Variants in DSE observed in about 807,000 individuals in gnomAD.
DSE encodes dermatan sulfate epimerase.
A neutral mutation model predicts 84.4 loss-of-function variants in DSE; 36 were observed. The ratio of observed to expected loss-of-function variants is 0.43; its 90% CI spans 0.33 to 0.56. The LOEUF (loss-of-function observed/expected upper bound fraction) is 0.56. DSE is among the 20% of genes least tolerant of loss of function. The pLI, the probability that DSE is intolerant of heterozygous loss-of-function variation, is 0.06. For synonymous variants in DSE, 410 were observed against 430.1 expected, an observed-to-expected ratio of 0.95 and a Z score of 0.58; for missense variants, 862 against 1,169.6, an observed-to-expected ratio of 0.74 and a Z score of 3.84.
intron 2 of DSE, among the ~76,000 whole-genome samples, chr6:116,346,249 G>A (rs1486310458): frequency 6.6e-6 from 1 of 152,096 alleles, no homozygotes; most frequent in Non-Finnish European, 1.5e-5. Flanking sequence ...AAAAGTGGGA[G>A]TCCTCCCTAA....
intron 2 of DSE, among the ~76,000 whole-genome samples, chr6:116,409,610 T>C (rs1782182947): frequency 6.6e-6 from 1 of 152,196 alleles, no homozygotes; most frequent in South Asian, 2.1e-4. Flanking sequence ...TGCTCTGTTC[T>C]GGGTATTTTA....
intron 2 of DSE, among the ~76,000 whole-genome samples, chr6:116,291,366 C>G (rs117619620): frequency 0.017 from 2,596 of 151,498 alleles, 36 homozygotes; most frequent in South Asian, 0.024. Context: ...GAGATGAGTC[C>G]TAATAAGAAA....
chr6:116,346,274 C>T (rs2114836349), intron 2 of DSE, among the ~76,000 whole-genome samples: 1 of 152,268 alleles, frequency 6.6e-6, no homozygotes, highest in South Asian at 2.1e-4. Context: ...TTTTATGAGG[C>T]CAGCATCATC....
At chr6:116,389,586 A>C (rs1780767310) in intron 1 of DSE, among the ~76,000 whole-genome samples, 1 of 152,200 alleles carries the variant, frequency 6.6e-6, no homozygotes, top group Non-Finnish European at 1.5e-5. Context: ...AATGTATTGC[A>C]GGAAGAAAAA....
intron 2 of DSE, among the ~76,000 whole-genome samples, chr6:116,322,425 A>T (rs1776382749): frequency 6.6e-6 from 1 of 152,060 alleles, no homozygotes; most frequent in Admixed American, 6.6e-5. Flanking sequence ...AATAAAAGAG[A>T]TGAAGACCTG....
intron 2 of DSE, among the ~76,000 whole-genome samples, chr6:116,276,404 A>G (rs1773143733): frequency 6.6e-6 from 1 of 152,188 alleles, no homozygotes; most frequent in Admixed American, 6.5e-5. Context: ...AACTACATGG[A>G]AAAAAGTGAT....
intron 2 of DSE, among the ~76,000 whole-genome samples, chr6:116,298,820 T>C (rs181720235): frequency 6.6e-6 from 1 of 152,326 alleles, no homozygotes; most frequent in African/African-American, 2.4e-5. Flanking sequence ...TGCATTCTGA[T>C]AGGTGGGACA....
At chr6:116,274,662 CTG>C (rs1465073578) in intron 2 of DSE, among the ~76,000 whole-genome samples, 3 of 151,948 alleles carry the variant, frequency 2.0e-5, no homozygotes, top group African/African-American at 7.3e-5. Flanking sequence ...ACCAATATAA[CTG>C]TGTCAATTTG....
intron 2 of DSE, chr6:116,280,169 G>A (rs1258780487): frequency 1.7e-5 from 7 of 406,532 alleles, no homozygotes; most frequent in Non-Finnish European, 2.9e-5. Flanking sequence ...CAGCATGTAG[G>A]AGCAGTTGTA....
At chr6:116,406,003 T>G (rs1781899517) in intron 2 of DSE, among the ~76,000 whole-genome samples, 2 of 152,260 alleles carry the variant, frequency 1.3e-5, no homozygotes, top group African/African-American at 4.8e-5. Context: ...TAATAATGCT[T>G]CTTTCTAACA....
chr6:116,368,404 A>T (rs1452106947), upstream of DSE, among the ~76,000 whole-genome samples: 1 of 152,222 alleles, frequency 6.6e-6, no homozygotes, highest in African/African-American at 2.4e-5. Flanking sequence ...AGAGGTCATG[A>T]AATTGAGAGG....
intron 1 of DSE, chr6:116,375,407 G>C (rs1348575564): frequency 5.3e-5 from 16 of 303,314 alleles, no homozygotes; most frequent in Non-Finnish European, 6.8e-5. Flanking sequence ...GGGAGGCTGA[G>C]ATGGGAGGAT....
At chr6:116,331,265 G>T (rs909127626) in intron 2 of DSE, among the ~76,000 whole-genome samples, 3 of 152,092 alleles carry the variant, frequency 2.0e-5, no homozygotes. Flanking sequence ...CCAAGACTGG[G>T]TAATTTATAA....
At chr6:116,258,547 A>T in exon 2 of DSE, 2 of 1,450,052 alleles carry the variant, frequency 1.4e-6, no homozygotes, top group Non-Finnish European at 1.9e-6. Flanking sequence ...CTTCTTCTTA[A>T]TGGCATAGGA....
chr6:116,331,156 A>G (rs1776909823), intron 2 of DSE, among the ~76,000 whole-genome samples: 1 of 152,220 alleles, frequency 6.6e-6, no homozygotes, highest in African/African-American at 2.4e-5. Flanking sequence ...ACAAAACACC[A>G]ATAATAAACA....
chr6:116,295,138 C>T (rs1358248023), intron 2 of DSE, among the ~76,000 whole-genome samples: 2 of 151,966 alleles, frequency 1.3e-5, no homozygotes, highest in African/African-American at 4.8e-5. Flanking sequence ...ATTGCTGTGG[C>T]GGTTGGAGGA....
At chr6:116,367,676 A>C (rs1230178050), upstream of DSE, among the ~76,000 whole-genome samples, 1 of 152,240 alleles carries the variant, frequency 6.6e-6, no homozygotes, top group African/African-American at 2.4e-5. Flanking sequence ...ATTATGTAAA[A>C]ATAAACCATT....
At chr6:116,272,549 C>G (rs1384860054) in intron 2 of DSE, among the ~76,000 whole-genome samples, 2 of 152,138 alleles carry the variant, frequency 1.3e-5, no homozygotes, top group Admixed American at 1.3e-4. Flanking sequence ...TACGATATAC[C>G]AGGCTCTTTG....
chr6:116,418,692 A>C (rs994290248), intron 2 of DSE, among the ~76,000 whole-genome samples: 3 of 152,186 alleles, frequency 2.0e-5, no homozygotes, highest in South Asian at 2.1e-4. Flanking sequence ...TGACTCTGGC[A>C]TGTTCTGGCT....
Sources: gnomAD v4.1 joint callset for allele counts (sites outside exome capture counted in the v4.1 genomes callset) on GRCh38, gnomAD v4.1.1 for gene constraint, MANE v1.5 for transcripts, NCBI Gene and HGNC (gene_info 2026-07-23, HGNC 2026-07-21) for gene names.